CCSER1: variants seen among roughly 807,000 people sequenced by gnomAD.
CCSER1 encodes the protein coiled-coil serine rich protein 1.
In CCSER1, 41 loss-of-function variants were observed where a neutral mutation model predicts 82.0. The ratio of observed to expected loss-of-function variants is 0.50; its 90% CI spans 0.39 to 0.65. CCSER1 has a LOEUF of 0.65. CCSER1 is among the 30% of genes least tolerant of loss of function. The probability of loss-of-function intolerance (pLI) is 0.00; values close to 1 mark genes in which losing one functional copy is unlikely to be tolerated. For synonymous variants in CCSER1, 414 were observed against 383.9 expected, an observed-to-expected ratio of 1.08 and a Z score of -0.92; for missense variants, 1,119 against 1,064.2, an observed-to-expected ratio of 1.05 and a Z score of -0.72.
At chr4:90,554,937 C>A (rs370945057) in intron 5 of CCSER1, among the ~76,000 whole-genome samples, 2 of 152,286 alleles carry the variant, frequency 1.3e-5, no homozygotes, top group East Asian at 3.9e-4. Context: ...TTTCTTGAAT[C>A]TGGCAGTAAC....
chr4:91,046,513 T>G (rs1742501371), intron 9 of CCSER1, among the ~76,000 whole-genome samples: 2 of 152,136 alleles, frequency 1.3e-5, no homozygotes, highest in Non-Finnish European at 2.9e-5. Context: ...TTTTTATTGT[T>G]TCTTTACTTA....
intron 10 of CCSER1, among the ~76,000 whole-genome samples, chr4:91,247,234 G>A (rs1299530575): frequency 1.3e-5 from 2 of 151,526 alleles, no homozygotes; most frequent in Non-Finnish European, 2.9e-5. Flanking sequence ...CCCGGGAGGC[G>A]GAGCTTGCAG....
intron 7 of CCSER1, among the ~76,000 whole-genome samples, chr4:90,803,409 T>C (rs1230674850): frequency 2.0e-5 from 3 of 152,080 alleles, no homozygotes; most frequent in African/African-American, 7.2e-5. Flanking sequence ...CCCCTCTCTA[T>C]GTCCATGTGT....
intron 6 of CCSER1, among the ~76,000 whole-genome samples, chr4:90,698,298 G>T (rs1229140027): frequency 6.6e-6 from 1 of 152,170 alleles, no homozygotes; most frequent in Non-Finnish European, 1.5e-5. Flanking sequence ...GTGTGACATT[G>T]AACTCCTTTA....
intron 10 of CCSER1, among the ~76,000 whole-genome samples, chr4:91,088,845 T>C (rs1327902100): frequency 6.6e-6 from 1 of 152,160 alleles, no homozygotes; most frequent in Non-Finnish European, 1.5e-5. Context: ...GTAAGACACA[T>C]AGATAAGTCA....
At chr4:90,527,733 A>G (rs1773972337) in intron 5 of CCSER1, among the ~76,000 whole-genome samples, 1 of 152,116 alleles carries the variant, frequency 6.6e-6, no homozygotes, top group Admixed American at 6.5e-5. Flanking sequence ...TTTTTCTTAA[A>G]GTCAGATCTT....
intron 5 of CCSER1, among the ~76,000 whole-genome samples, chr4:90,469,681 C>G (rs964204675): frequency 1.3e-5 from 2 of 151,976 alleles, no homozygotes; most frequent in Admixed American, 6.6e-5. Flanking sequence ...GTTATGTTGA[C>G]CATTCTATAG....
chr4:91,330,629 CT>C (rs1185829135), intron 10 of CCSER1, among the ~76,000 whole-genome samples: 2 of 152,150 alleles, frequency 1.3e-5, no homozygotes, highest in African/African-American at 4.8e-5. Flanking sequence ...TCTTCATTAT[CT>C]TTTCAGTTTT....
At chr4:91,134,122 A>G (rs1728248618) in intron 10 of CCSER1, among the ~76,000 whole-genome samples, 1 of 152,168 alleles carries the variant, frequency 6.6e-6, no homozygotes, top group Non-Finnish European at 1.5e-5. Flanking sequence ...TGCTCAAAAA[A>G]TTAAACTTGG....
intron 10 of CCSER1, among the ~76,000 whole-genome samples, chr4:91,592,835 T>TG (rs1204478554): frequency 6.6e-6 from 1 of 152,124 alleles, no homozygotes; most frequent in African/African-American, 2.4e-5. Flanking sequence ...ATTTTTTTTT[T>TG]GTTAAGTGGA....
At chr4:91,180,180 C>T (rs1486744603) in intron 10 of CCSER1, among the ~76,000 whole-genome samples, 1 of 152,176 alleles carries the variant, frequency 6.6e-6, no homozygotes, top group African/African-American at 2.4e-5. Flanking sequence ...AGCTTCGTCT[C>T]AGAGGGGCAC....
intron 4 of CCSER1, among the ~76,000 whole-genome samples, chr4:90,450,087 C>G (rs181562908): frequency 3.3e-5 from 5 of 152,272 alleles, no homozygotes; most frequent in African/African-American, 9.6e-5. Context: ...TTCACTGCTT[C>G]GTGCTGACAA....
chr4:90,471,738 G>C (rs1427338708), intron 5 of CCSER1, among the ~76,000 whole-genome samples: 1 of 151,554 alleles, frequency 6.6e-6, no homozygotes, highest in East Asian at 1.9e-4. Flanking sequence ...ACTTTGGGAG[G>C]CCGAGGCGGG....
intron 1 of CCSER1, among the ~76,000 whole-genome samples, chr4:90,150,906 AT>A (rs1726714998): frequency 6.6e-6 from 1 of 152,106 alleles, no homozygotes; most frequent in African/African-American, 2.4e-5. Flanking sequence ...GAATTATTTT[AT>A]TGCTTTGCAG....
intron 5 of CCSER1, among the ~76,000 whole-genome samples, chr4:90,494,236 C>A (rs1472870289): frequency 6.6e-6 from 1 of 152,090 alleles, no homozygotes; most frequent in Non-Finnish European, 1.5e-5. Flanking sequence ...ATATATGCAC[C>A]CAATACAGGA....
chr4:91,070,997 GAAT>G (rs1721375500), intron 9 of CCSER1, among the ~76,000 whole-genome samples: 1 of 151,914 alleles, frequency 6.6e-6, no homozygotes, highest in African/African-American at 2.4e-5. Flanking sequence ...ACTTTAATAA[GAAT>G]AAATAAATTA....
At chr4:91,284,766 T>C (rs375908065) in intron 10 of CCSER1, among the ~76,000 whole-genome samples, 1 of 152,100 alleles carries the variant, frequency 6.6e-6, no homozygotes, top group South Asian at 2.1e-4. Flanking sequence ...TAAATCCATC[T>C]TAATATGATG....
chr4:91,502,568 T>G (rs1169420024), intron 10 of CCSER1, among the ~76,000 whole-genome samples: 2 of 152,072 alleles, frequency 1.3e-5, no homozygotes, highest in Non-Finnish European at 2.9e-5. Context: ...CCTGGTGGAG[T>G]TGATGAAGTT....
chr4:90,217,959 C>T (rs768748426), intron 1 of CCSER1, among the ~76,000 whole-genome samples: 5 of 151,836 alleles, frequency 3.3e-5, no homozygotes, highest in African/African-American at 9.7e-5. Context: ...CCACATCTGG[C>T]AAATTTTAAA....
Sources: gnomAD v4.1 joint callset for allele counts (sites outside exome capture counted in the v4.1 genomes callset) on GRCh38, gnomAD v4.1.1 for gene constraint, MANE v1.5 for transcripts, NCBI Gene and HGNC (gene_info 2026-07-23, HGNC 2026-07-21) for gene names.